The following CHD9 variants were observed in gnomAD, a reference collection of about 807,000 sequenced individuals.
CHD9 encodes the protein ATP-dependent chromatin remodeler CHD9.
CHD9 carries 77 observed loss-of-function variants against 316.1 expected under a neutral mutation model. The ratio of observed to expected loss-of-function variants is 0.24; its 90% CI spans 0.20 to 0.29. The LOEUF (loss-of-function observed/expected upper bound fraction) is 0.29, where lower values mean the gene tolerates loss of function less well. Ranked by LOEUF, CHD9 falls within the 10% of genes least tolerant of loss-of-function variation. The pLI is 1.00. For missense variants in CHD9, 2,763 were observed against 3,438.1 expected (o/e 0.80, Z 4.91); for synonymous variants, 1,129 against 1,158.3 (o/e 0.97, Z 0.51).
In CHD9 at chr16:53,306,239, A is replaced by G. The variant is rs2055958140; in HGVS notation, c.6622A>G (p.Ser2208Gly). Reference protein sequence around the residue: ...SDEEEAQKRESTTHMKAYDEE... With the variant: ...SDEEEAQKREGTTHMKAYDEE... ...ATGATTATAATTGTTTTTAGCAGAA[A>G]GTACTACTCACATGAAAGCCTATGA... Residue 2208 changes from serine (S) to glycine (G), a missense_variant and splice_region_variant, in exon 32 of 39, where the codon AGT becomes GGT. Transcript: ENST00000447540. The G allele has an allele frequency of 1.3e-6, 2 of 1,491,996 alleles. No individual in the cohort carries two copies. The highest frequency in any genetic ancestry group is 1.8e-6 in the Non-Finnish European group (2 of 1,122,646). The allele number at this position is 1,491,996 out of a possible 1,614,324, so 92.4% of individuals were successfully genotyped here.
At chr16:53,278,628 A>G (rs1172546268) in intron 24 of CHD9, among the ~76,000 whole-genome samples, 1 of 152,208 alleles carries the variant, frequency 6.6e-6, no homozygotes, top group Non-Finnish European at 1.5e-5. Flanking sequence ...CAAAGGGCTA[A>G]TATCCAGAAT....
chr16:53,113,203 C>G (rs561504880), intron 1 of CHD9, among the ~76,000 whole-genome samples: 2 of 151,834 alleles, frequency 1.3e-5, no homozygotes, highest in Non-Finnish European at 2.9e-5. Context: ...AAATAAAGAA[C>G]GTCAATGTGA....
At chr16:53,170,197 C>T (rs1000454057) in intron 2 of CHD9, among the ~76,000 whole-genome samples, 2 of 151,476 alleles carry the variant, frequency 1.3e-5, no homozygotes, top group East Asian at 1.9e-4. Context: ...TAATTAATCA[C>T]GGGGATTTTT....
chr16:53,261,082 A>C (rs118051392), intron 19 of CHD9, among the ~76,000 whole-genome samples: 3,439 of 141,820 alleles, frequency 0.024, 76 homozygotes, highest in Non-Finnish European at 0.033. Context: ...TTAAAGCTAT[A>C]GTTTAGAGAA....
intron 1 of CHD9, among the ~76,000 whole-genome samples, chr16:53,093,681 C>T (rs144549908): frequency 3.9e-4 from 60 of 152,254 alleles, no homozygotes; most frequent in African/African-American, 1.3e-3. Flanking sequence ...CAGGCAAAGG[C>T]GGTATGATTG....
chr16:53,080,042 G>A (rs183366885), intron 1 of CHD9, among the ~76,000 whole-genome samples: 2 of 152,300 alleles, frequency 1.3e-5, no homozygotes, highest in African/African-American at 4.8e-5. Flanking sequence ...ACCTTCAACT[G>A]GCATCTGAAG....
intron 13 of CHD9, among the ~76,000 whole-genome samples, chr16:53,244,443 G>A (rs939311432): frequency 4.0e-5 from 6 of 151,784 alleles, no homozygotes; most frequent in Admixed American, 6.6e-5. Flanking sequence ...TGCCTGCCTC[G>A]GCCTCCCAAA....
At chr16:53,175,344 C>G (rs2043031248) in intron 2 of CHD9, among the ~76,000 whole-genome samples, 1 of 152,212 alleles carries the variant, frequency 6.6e-6, no homozygotes, top group Admixed American at 6.5e-5. Flanking sequence ...ACTCCCTGTT[C>G]TATTCTGCAG....
At chr16:53,184,199 T>G (rs2043788085) in intron 2 of CHD9, among the ~76,000 whole-genome samples, 2 of 152,262 alleles carry the variant, frequency 1.3e-5, no homozygotes, top group East Asian at 3.9e-4. Flanking sequence ...GCTAATATTT[T>G]TTGAGTGCCT....
chr16:53,303,182 G>GTTTTTTTTTTTTTTTTTTTTTT (rs375440655), intron 30 of CHD9, among the ~76,000 whole-genome samples: 1 of 133,890 alleles, frequency 7.5e-6, no homozygotes. Context: ...AATATTATGA[G>GTTTTTTTTTTTTTTTTTTTTTT]TTTTTTTTTT....
intron 1 of CHD9, among the ~76,000 whole-genome samples, chr16:53,094,175 G>A (rs949226439): frequency 6.6e-6 from 1 of 152,216 alleles, no homozygotes; most frequent in Non-Finnish European, 1.5e-5. Flanking sequence ...CTAGGCCTAT[G>A]GGCTTGGTGA....
intron 30 of CHD9, chr16:53,299,686 G>A: frequency 3.0e-6 from 1 of 334,470 alleles, no homozygotes; most frequent in African/African-American, 2.2e-5. Flanking sequence ...CAGTTCCTGA[G>A]GAAACTCCTT....
rs1462381058 is a variant in CHD9 at position 53,321,115 on chromosome 16, T to G, written c.7714-411T>G. On this transcript the variant is annotated intron_variant, in intron 37 of 38. Transcript: ENST00000447540. ...GGTACTTGAATTGTCTCATTTTATC[T>G]TTATAAAACCCTATGAGGGAAGTAT... is the stretch of plus-strand genomic sequence containing the variant. The G allele has an allele frequency of 2.7e-5, 18 of 665,422 alleles. No individual in the cohort carries two copies. The Admixed American group carries it at 4.4e-4, about 16-fold the overall frequency. The allele number at this position is 665,422 out of a possible 1,614,324, so 41.2% of individuals were successfully genotyped here.
intron 20 of CHD9, among the ~76,000 whole-genome samples, chr16:53,264,157 C>T (rs775347921): frequency 6.6e-6 from 1 of 151,712 alleles, no homozygotes; most frequent in African/African-American, 2.4e-5. Flanking sequence ...TTTAATAGTT[C>T]GTTTGTAAAC....
At chr16:53,315,311 G>A (rs1490915611) in intron 36 of CHD9, among the ~76,000 whole-genome samples, 1 of 151,992 alleles carries the variant, frequency 6.6e-6, no homozygotes, top group South Asian at 2.1e-4. Context: ...GGTTGCTAAG[G>A]TATAAAACTT....
Position 53,209,483 on chromosome 16 carries a change from C to T in CHD9, c.1454C>T (p.Pro485Leu), listed in dbSNP as rs1279121582. 1.3e-6 allele frequency: 2 copies of T among 1,589,694 alleles called. No homozygotes were observed. The highest frequency in any genetic ancestry group is 1.7e-6 in the Non-Finnish European group (2 of 1,168,428). Residue 485 changes from proline to leucine, a missense_variant and splice_region_variant, in exon 3 of 39, where the codon CCT becomes CTT. By Grantham distance (98) the Pro-to-Leu change is moderately conservative. Coordinates refer to ENST00000447540, the MANE Select transcript of CHD9 (RefSeq NM_001308319.2). ...DRNHLCLQRQPPSSKKSDGSG... is the reference protein window; with the variant it reads ...DRNHLCLQRQLPSSKKSDGSG... ...TAAAAAATATTTTTGTTTCTGTAGC[C>T]TCCATCTTCCAAGAAGAGCGATGGT...
intron 1 of CHD9, chr16:53,121,349 C>G (rs2038726009): frequency 2.2e-6 from 1 of 455,764 alleles, no homozygotes; most frequent in African/African-American, 2.0e-5. Context: ...AACAGATGCA[C>G]AAAGAGAAGG....
chr16:53,113,058 A>ACTAGTCTCAGCTACG (rs2037990950), intron 1 of CHD9, among the ~76,000 whole-genome samples: 1 of 152,004 alleles, frequency 6.6e-6, no homozygotes, highest in African/African-American at 2.4e-5. Flanking sequence ...GTGGTGTGTG[A>ACTAGTCTCAGCTACG]CTAGTCTCAG....
intron 1 of CHD9, among the ~76,000 whole-genome samples, chr16:53,067,399 C>T (rs903350769): frequency 6.6e-6 from 1 of 151,968 alleles, no homozygotes; most frequent in East Asian, 1.9e-4. Context: ...ATTTAATGTT[C>T]GTTTTCTGTC....
Sources: allele counts gnomAD v4.1 joint callset (sites outside exome capture counted in the v4.1 genomes callset), GRCh38; gene constraint gnomAD v4.1.1; transcripts MANE v1.5; gene names NCBI Gene and HGNC (gene_info 2026-07-23, HGNC 2026-07-21).